IL1RAPL1: variants seen among roughly 807,000 people sequenced by gnomAD.
The protein encoded by IL1RAPL1 is interleukin 1 receptor accessory protein like 1.
Under a neutral mutation model 48.4 loss-of-function variants are expected in IL1RAPL1, and 3 were observed. That is an observed-to-expected ratio of 0.06 (90% CI 0.03 to 0.16). IL1RAPL1 has a LOEUF of 0.16. Ranked by LOEUF, IL1RAPL1 falls within the 10% of genes least tolerant of loss-of-function variation. The pLI, the probability that IL1RAPL1 is intolerant of heterozygous loss-of-function variation, is 1.00. For synonymous variants in IL1RAPL1, 185 were observed against 187.7 expected (o/e 0.99, Z 0.12); for missense variants, 349 against 530.6 (o/e 0.66, Z 3.36).
intron 5 of IL1RAPL1, among the ~76,000 whole-genome samples, chrX:29,641,585 G>A (rs933353628): frequency 2.7e-5 from 3 of 111,846 alleles, no homozygotes; most frequent in South Asian, 3.7e-4. Flanking sequence ...TTTTCTTAAT[G>A]GACTTTATAA....
intron 2 of IL1RAPL1, among the ~76,000 whole-genome samples, chrX:28,902,138 A>G (rs961503989): frequency 9.3e-6 from 1 of 107,884 alleles, no homozygotes; most frequent in East Asian, 2.9e-4. Context: ...ATGTTTGTTC[A>G]TTGCCTAGAT....
At chrX:29,842,881 A>G (rs766457215) in intron 6 of IL1RAPL1, among the ~76,000 whole-genome samples, 1 of 112,061 alleles carries the variant, frequency 8.9e-6, no homozygotes, top group East Asian at 2.8e-4. Flanking sequence ...ATTAACTATA[A>G]GCTGTGGAGT....
chrX:29,239,724 T>C (rs921606097), intron 2 of IL1RAPL1, among the ~76,000 whole-genome samples: 9 of 111,154 alleles, frequency 8.1e-5, no homozygotes, highest in African/African-American at 3.0e-4. Context: ...TTTTTTTTTT[T>C]TGCAATTTTT....
Position 29,803,246 on chromosome X carries a change from TACATATACAC to T in IL1RAPL1, c.779-114213_779-114204del, listed in dbSNP as rs1569173989. Among the ~76,000 whole-genome samples, 98 of 36,330 alleles carry T rather than the reference TACATATACAC, an allele frequency of 2.7e-3. 8 individuals are homozygous for T. The highest frequency in any genetic ancestry group is 9.4e-3 in the African/African-American group (81 of 8,650). The allele number at this position is 36,330 out of a possible 115,157, so 31.5% of individuals were successfully genotyped here. ...ACATATACACACATGTATATATGTATACATATACACACATGTATATATGTATACATATACA... is the reference window on the plus strand; with the variant it reads ...ACATATACACACATGTATATATGTATACATGTATATATGTATACATATACA... On this transcript the variant is annotated intron_variant, in intron 6 of 10. Transcript: ENST00000378993.
At chrX:29,918,452 C>T (rs867545528) in intron 7 of IL1RAPL1, among the ~76,000 whole-genome samples, 17 of 97,800 alleles carry the variant, frequency 1.7e-4, no homozygotes, top group African/African-American at 6.0e-4. Context: ...TTGCAGTGAG[C>T]CGAGATCGCA....
At chrX:29,149,973 G>A (rs185675854) in intron 2 of IL1RAPL1, among the ~76,000 whole-genome samples, 8 of 111,814 alleles carry the variant, frequency 7.2e-5, no homozygotes, top group African/African-American at 2.6e-4. Context: ...GATTAGATGT[G>A]ACCTATGGCA....
chrX:29,224,918 G>A (rs927447692), intron 2 of IL1RAPL1, among the ~76,000 whole-genome samples: 4 of 111,877 alleles, frequency 3.6e-5, no homozygotes, highest in African/African-American at 1.3e-4. Flanking sequence ...AATAATCATT[G>A]CATATGCCCT....
chrX:29,862,241 G>A (rs1205154656), intron 6 of IL1RAPL1, among the ~76,000 whole-genome samples: 1 of 110,555 alleles, frequency 9.0e-6, no homozygotes, highest in Non-Finnish European at 1.9e-5. Context: ...CAGCATGTGG[G>A]TGAATAATTT....
chrX:29,421,629 G>A (rs1934292312), intron 5 of IL1RAPL1, among the ~76,000 whole-genome samples: 1 of 111,589 alleles, frequency 9.0e-6, no homozygotes, highest in African/African-American at 3.3e-5. Flanking sequence ...CTCTGGTCTG[G>A]GAAGGGCATA....
At chrX:29,171,255 T>G (rs1929901760) in intron 2 of IL1RAPL1, among the ~76,000 whole-genome samples, 1 of 111,955 alleles carries the variant, frequency 8.9e-6, no homozygotes, top group Non-Finnish European at 1.9e-5. Context: ...CCCAAAGTGC[T>G]GGGATTACAG....
chrX:28,776,361 C>A (rs1222362608), intron 1 of IL1RAPL1, among the ~76,000 whole-genome samples: 1 of 111,848 alleles, frequency 8.9e-6, no homozygotes, highest in African/African-American at 3.2e-5. Flanking sequence ...CAAGATCAAA[C>A]AGACATAAAG....
Position 28,687,725 on chromosome X carries a change from T to C in IL1RAPL1, c.-25+99678T>C, listed in dbSNP as rs369854027. ...TGAACCCGGGAGGCGGAGCTTGCAG[T>C]GAGCGGAGATTGCACCACTGCACTC... On this transcript the variant is annotated intron_variant, in intron 1 of 10. Coordinates refer to ENST00000378993, the MANE Select transcript of IL1RAPL1 (RefSeq NM_014271.4). Among the ~76,000 whole-genome samples the C allele has an allele frequency of 2.5e-4, 27 of 107,050 alleles. No homozygotes were observed. In the East Asian group the frequency reaches 4.1e-3, roughly 16 times the overall value. The allele number at this position is 107,050 out of a possible 115,157, so 93.0% of individuals were successfully genotyped here. A position where few individuals can be genotyped will look rare whatever the true frequency, so the allele number is the denominator to read the frequency against.
At chrX:29,615,716 A>C (rs1313203056) in intron 5 of IL1RAPL1, among the ~76,000 whole-genome samples, 1 of 112,352 alleles carries the variant, frequency 8.9e-6, no homozygotes, top group Non-Finnish European at 1.9e-5. Context: ...TTTTCAATCC[A>C]AATTAAGCTG....
At chrX:29,698,112 G>A (rs1359880311) in intron 6 of IL1RAPL1, among the ~76,000 whole-genome samples, 1 of 108,739 alleles carries the variant, frequency 9.2e-6, no homozygotes, top group African/African-American at 3.4e-5. Context: ...ACCCCTCCAT[G>A]CATCAAACTT....
At chrX:28,787,751 G>A (rs1444616080) in intron 1 of IL1RAPL1, among the ~76,000 whole-genome samples, 4 of 111,288 alleles carry the variant, frequency 3.6e-5, no homozygotes, top group Non-Finnish European at 7.5e-5. Flanking sequence ...GAGGCTCTGG[G>A]AGAACCCAAA....
chrX:29,233,975 C>T (rs1280016181), intron 2 of IL1RAPL1, among the ~76,000 whole-genome samples: 1 of 111,986 alleles, frequency 8.9e-6, no homozygotes, highest in African/African-American at 3.2e-5. Flanking sequence ...AAGAGTGGCT[C>T]TTGTCTGACA....
chrX:29,248,884 G>A (rs1569269153), intron 2 of IL1RAPL1, among the ~76,000 whole-genome samples: 4 of 111,996 alleles, frequency 3.6e-5, no homozygotes, highest in Admixed American at 2.8e-4. Context: ...CAGCCATTGT[G>A]TGTTGAATTG....
At chrX:29,423,804 CAT>C (rs1172644884) in intron 5 of IL1RAPL1, among the ~76,000 whole-genome samples, 1 of 111,503 alleles carries the variant, frequency 9.0e-6, no homozygotes, top group African/African-American at 3.3e-5. Context: ...TAAACTGGCT[CAT>C]AGATGACATA....
rs141563623 is a variant in IL1RAPL1 at position 29,049,282 on chromosome X, C to T, written c.83-233656C>T. The stretch of plus-strand genomic sequence containing the variant: ...ACCAACCTTGGTATAATGTTCCCTC[C>T]GCTTCTTTCTAACAAGTCACATTTT... On this transcript the variant is annotated intron_variant, in intron 2 of 10. Coordinates refer to ENST00000378993, the MANE Select transcript of IL1RAPL1 (RefSeq NM_014271.4). 4.9e-3 allele frequency among the ~76,000 whole-genome samples: 553 copies of T among 112,510 alleles called. 3 individuals are homozygous for T. The highest frequency in any genetic ancestry group is 0.017 in the African/African-American group (513 of 31,030).
Sources: gnomAD v4.1 joint callset for allele counts (sites outside exome capture counted in the v4.1 genomes callset) on GRCh38, gnomAD v4.1.1 for gene constraint, MANE v1.5 for transcripts, NCBI Gene and HGNC (gene_info 2026-07-23, HGNC 2026-07-21) for gene names.